The following DZANK1 variants were observed in gnomAD, a reference collection of about 807,000 sequenced individuals.
DZANK1 encodes the protein double zinc ribbon and ankyrin repeat-containing protein 1.
In DZANK1, 91 loss-of-function variants were observed where a neutral mutation model predicts 94.5. That is an observed-to-expected ratio of 0.96 (90% CI 0.81 to 1.15). The LOEUF (loss-of-function observed/expected upper bound fraction) is 1.15. DZANK1 is among the 50% of genes most tolerant of loss of function. DZANK1 has a pLI of 0.00. For missense variants in DZANK1, 903 were observed against 916.4 expected (o/e 0.99, Z 0.19); for synonymous variants, 312 against 325.3 (o/e 0.96, Z 0.44).
chr20:18,395,750 C>G (rs765645300), intron 15 of DZANK1, among the ~76,000 whole-genome samples: 1 of 152,148 alleles, frequency 6.6e-6, no homozygotes, highest in African/African-American at 2.4e-5. Context: ...TCTCACTTCC[C>G]TTCCCCTGAA....
At chr20:18,390,576 A>G in intron 17 of DZANK1, 117 bp from the exon 18 acceptor site, 1 of 901,078 alleles carries the variant, frequency 1.1e-6, no homozygotes, top group Non-Finnish European at 1.8e-6. Context: ...GAGTGTGTGC[A>G]TGTGTGAGTG....
exon 3 of DZANK1, chr20:18,460,179 T>C (rs780732139): frequency 1.3e-6 from 2 of 1,561,674 alleles, no homozygotes; most frequent in Non-Finnish European, 1.7e-6. Context: ...CTTTAACTTG[T>C]ATTTTTCCAT....
At chr20:18,427,397 A>T (rs2424191) in intron 9 of DZANK1, among the ~76,000 whole-genome samples, 2 of 151,688 alleles carry the variant, frequency 1.3e-5, no homozygotes, top group Admixed American at 1.3e-4. Flanking sequence ...TGTGTTGCCC[A>T]GTCTGGTGTC....
chr20:18,454,859 A>ACCCACACTCCAGT (rs1568546239), intron 4 of DZANK1, among the ~76,000 whole-genome samples: 1 of 152,256 alleles, frequency 6.6e-6, no homozygotes, highest in African/African-American at 2.4e-5. Flanking sequence ...CCAGGATAGC[A>ACCCACACTCCAGT]GTGATAGGGC....
intron 9 of DZANK1, 66 bp downstream of exon 9, chr20:18,433,586 G>A (rs2058376500): frequency 4.1e-6 from 6 of 1,465,150 alleles, no homozygotes; most frequent in Non-Finnish European, 5.7e-6. Context: ...GCTGAAAAAG[G>A]ACATATACCT....
chr20:18,415,294 C>T, intron 11 of DZANK1, 33 bp downstream of exon 11: 1 of 1,469,916 alleles, frequency 6.8e-7, no homozygotes, highest in Non-Finnish European at 9.1e-7. Context: ...GTGAGGTGCT[C>T]AGTATACAGA....
intron 16 of DZANK1, among the ~76,000 whole-genome samples, 188 bp downstream of exon 16, chr20:18,394,066 C>T (rs930235335): frequency 6.6e-6 from 1 of 152,122 alleles, no homozygotes; most frequent in African/African-American, 2.4e-5. Flanking sequence ...ATGAATTTCC[C>T]CAAGCCCTGT....
At chr20:18,427,858 AAG>A (rs1406291660) in intron 9 of DZANK1, among the ~76,000 whole-genome samples, 1 of 152,164 alleles carries the variant, frequency 6.6e-6, no homozygotes, top group African/African-American at 2.4e-5. Context: ...CTGCCAAAGA[AAG>A]AGAGTAGTGG....
chr20:18,431,855 C>T (rs1431412893), intron 9 of DZANK1, among the ~76,000 whole-genome samples: 1 of 152,174 alleles, frequency 6.6e-6, no homozygotes, highest in Non-Finnish European at 1.5e-5. Flanking sequence ...TTTTGAGGCA[C>T]ATTTTCTAAA....
chr20:18,412,060 A>G (rs2057282823), intron 13 of DZANK1, among the ~76,000 whole-genome samples: 1 of 152,022 alleles, frequency 6.6e-6, no homozygotes, highest in South Asian at 2.1e-4. Context: ...ACTTAATACC[A>G]CCACAATAGA....
At chr20:18,452,625 C>A in exon 6 of DZANK1, 1 of 1,591,270 alleles carries the variant, frequency 6.3e-7, no homozygotes, top group Admixed American at 1.8e-5. Flanking sequence ...CTGGGACTGG[C>A]GGGTGGGTGG....
rs552962995 is a variant in DZANK1, at chr20:18,398,335, G to C, written c.1536+188C>G. On this transcript the variant is annotated intron_variant, in intron 14 of 20. Coordinates refer to ENST00000262547, the Ensembl canonical transcript of DZANK1. Reference sequence around the variant, plus strand: ...GTCAGGTGCCCCAGAAGCAGACTCTGAGACAATATTCATGTGCAAGTGATT... The same window carrying C: ...GTCAGGTGCCCCAGAAGCAGACTCTCAGACAATATTCATGTGCAAGTGATT... 554 of 576,140 alleles carry C rather than the reference G, an allele frequency of 9.6e-4. 3 individuals carry two copies. The highest frequency in any genetic ancestry group is 3.3e-3 in the East Asian group (118 of 35,286). The allele number at this position is 576,140 out of a possible 1,614,324, so 35.7% of individuals were successfully genotyped here.
intron 12 of DZANK1, chr20:18,413,074 G>A: frequency 3.5e-6 from 2 of 579,424 alleles, no homozygotes; most frequent in Non-Finnish European, 6.1e-6. Flanking sequence ...CTAAAAGTCA[G>A]CAAATCAAGG....
At chr20:18,443,166 G>C (rs2058764477) in intron 8 of DZANK1, among the ~76,000 whole-genome samples, 181 bp downstream of exon 8, 1 of 152,182 alleles carries the variant, frequency 6.6e-6, no homozygotes, top group Non-Finnish European at 1.5e-5. Context: ...CCACACAAAA[G>C]ACACAGCATT....
At chr20:18,464,217 G>C (rs1294400595) in intron 2 of DZANK1, among the ~76,000 whole-genome samples, 1 of 152,026 alleles carries the variant, frequency 6.6e-6, no homozygotes, top group African/African-American at 2.4e-5. Flanking sequence ...GGGATTACAG[G>C]CATTGGCCAC....
chr20:18,443,420 C>T (rs1035871100), exon 8 of DZANK1: 13 of 1,522,160 alleles, frequency 8.5e-6, no homozygotes, highest in African/African-American at 1.4e-5. Flanking sequence ...TTGACAGAAG[C>T]GAGCAAAGGG....
chr20:18,415,549 C>T (rs2057452394), intron 10 of DZANK1, 100 bp from the exon 11 acceptor site: 2 of 1,246,058 alleles, frequency 1.6e-6, no homozygotes, highest in Non-Finnish European at 2.0e-6. Context: ...AAGATGAGCC[C>T]CGGAAATAGT....
At chr20:18,443,243 A>G in intron 8 of DZANK1, 104 bp downstream of exon 8, 2 of 802,892 alleles carry the variant, frequency 2.5e-6, no homozygotes. Flanking sequence ...ATTCTTCAAC[A>G]AGTATTTATA....
At chr20:18,407,237 C>T (rs1388626948) in intron 13 of DZANK1, among the ~76,000 whole-genome samples, 1 of 152,180 alleles carries the variant, frequency 6.6e-6, no homozygotes, top group Non-Finnish European at 1.5e-5. Context: ...CACCATACCC[C>T]TAGTTTCAGG....
Sources: gnomAD v4.1 joint callset for allele counts (sites outside exome capture counted in the v4.1 genomes callset) on GRCh38, gnomAD v4.1.1 for gene constraint, MANE v1.5 for transcripts, NCBI Gene and HGNC (gene_info 2026-07-23, HGNC 2026-07-21) for gene names.